The following ADAR variants were observed in gnomAD, a reference collection of about 807,000 sequenced individuals.
The protein encoded by ADAR is double-stranded RNA-specific adenosine deaminase.
In ADAR, 41 loss-of-function variants were observed where a neutral mutation model predicts 113.2. That is an observed-to-expected ratio of 0.36 (90% CI 0.28 to 0.47). The LOEUF (loss-of-function observed/expected upper bound fraction) is 0.47, where lower values mean the gene tolerates loss of function less well. Ranked by LOEUF, ADAR falls within the 20% of genes least tolerant of loss-of-function variation. ADAR has a pLI of 1.00. For synonymous variants in ADAR, 605 were observed against 572.6 expected (o/e 1.06, Z -0.81); for missense variants, 1,242 against 1,540.9 (o/e 0.81, Z 3.25).
At chr1:154,600,781 C>G in intron 2 of ADAR, 1 of 559,396 alleles carries the variant, frequency 1.8e-6, no homozygotes. Context: ...CAAAACCAAT[C>G]ATTTCTAAAG....
At chr1:154,598,184 C>T (rs74638504) in intron 3 of ADAR, among the ~76,000 whole-genome samples, 57 of 152,130 alleles carry the variant, frequency 3.7e-4, no homozygotes, top group African/African-American at 1.3e-3. Context: ...CTTTCAAGTC[C>T]GAAATTCTGT....
intron 1 of ADAR, among the ~76,000 whole-genome samples, chr1:154,626,157 C>T (rs1698931472): frequency 6.8e-6 from 1 of 147,432 alleles, no homozygotes; most frequent in Non-Finnish European, 1.5e-5. Flanking sequence ...TCGCTGTCGT[C>T]CAGGCTGGGG....
intron 1 of ADAR, among the ~76,000 whole-genome samples, chr1:154,621,917 G>A (rs184117219): frequency 3.7e-4 from 57 of 152,286 alleles, no homozygotes; most frequent in African/African-American, 1.3e-3. Flanking sequence ...TGTAGGAGAA[G>A]TACTTTTTTG....
At position 154,608,052 on chromosome 1, in the gene ADAR, C is replaced by G; in HGVS notation, c.-46G>C. 6.5e-7 allele frequency: 1 copy of G among 1,546,404 alleles called. No homozygotes were observed. The highest frequency in any genetic ancestry group is 8.7e-7 in the Non-Finnish European group (1 of 1,145,766). The stretch of plus-strand genomic sequence containing the variant: ...CGGCCCGACCCGCCGGCGGCACGAC[C>G]CTGGCCCGACCGCTGGGCCGCGCCA... On this transcript the variant is annotated 5_prime_UTR_variant, in exon 1 of 15. Coordinates refer to ENST00000368474, the MANE Select transcript of ADAR (RefSeq NM_001111.5).
At position 154,597,225 on chromosome 1, in the gene ADAR, A is replaced by G. The variant is rs1023918495; in HGVS notation, c.1977T>C (p.Ser659=). Residue 659 remains serine, a synonymous_variant, in exon 5 of 15, where the codon AGT becomes AGC. Transcript: ENST00000368474. ...CVAVGAQTFP[S]VSAPSKKVAK... ...CCACTTTCTTGCTGGGAGCACTCAC[A>G]CTGGGGAAAGTTTGGGCTCCCACTG... 2 of 1,614,098 alleles carry G rather than the reference A, an allele frequency of 1.2e-6. No individual in the cohort carries two copies. Among genetic ancestry groups the G allele is most frequent in the Non-Finnish European group, 1.7e-6 (2 of 1,180,004 alleles).
chr1:154,606,935 T>TAAAA (rs3058643), intron 1 of ADAR, among the ~76,000 whole-genome samples: 518 of 32,614 alleles, frequency 0.016, 2 homozygotes, highest in African/African-American at 0.041. Flanking sequence ...AAGGAGTGCT[T>TAAAA]AAAAAAAAAA....
At chr1:154,594,941 G>C (rs1373340400) in intron 6 of ADAR, among the ~76,000 whole-genome samples, 4 of 152,212 alleles carry the variant, frequency 2.6e-5, no homozygotes, top group Non-Finnish European at 4.4e-5. Flanking sequence ...AAGGACTCAA[G>C]AAACTGGTAT....
At chr1:154,585,523 A>G in intron 13 of ADAR, 179 bp from the exon 14 acceptor site, 1 of 968,344 alleles carries the variant, frequency 1.0e-6, no homozygotes. Flanking sequence ...ACCTCGATTC[A>G]GATTAATTCC....
At position 154,590,010 on chromosome 1, in the gene ADAR, C is replaced by G. The variant is rs1450501550; in HGVS notation, c.2497-82G>C. 3.8e-6 allele frequency: 6 copies of G among 1,573,368 alleles called. No homozygotes were observed. The African/African-American group carries it at 6.8e-5, about 18-fold the overall frequency. The stretch of plus-strand genomic sequence containing the variant: ...TCACCGTGGGCAGGGAGATCAAGCT[C>G]TACTTGTCGTGTGAGTCATCTTTTC... On this transcript the variant is annotated intron_variant, in intron 7 of 14. Transcript: ENST00000368474.
intron 6 of ADAR, among the ~76,000 whole-genome samples, chr1:154,594,287 G>C (rs1349164764): frequency 6.6e-6 from 1 of 152,152 alleles, no homozygotes; most frequent in Non-Finnish European, 1.5e-5. Flanking sequence ...TGCCAAACAT[G>C]TGAAAATTCA....
chr1:154,617,809 A>C (rs1324652616), intron 1 of ADAR, among the ~76,000 whole-genome samples: 1 of 152,114 alleles, frequency 6.6e-6, no homozygotes, highest in Non-Finnish European at 1.5e-5. Context: ...TGTTAAATAT[A>C]TATATTTAAT....
rs193228841 is a variant in ADAR at position 154,603,631 on chromosome 1, C to T, written c.16-1005G>A. Among the ~76,000 whole-genome samples, 314 of 152,222 alleles carry T rather than the reference C, an allele frequency of 2.1e-3. 1 individual carries two copies. Among genetic ancestry groups the T allele is most frequent in the African/African-American group, 7.2e-3 (299 of 41,532 alleles). On this transcript the variant is annotated intron_variant, in intron 1 of 14. Coordinates refer to ENST00000368474, the MANE Select transcript of ADAR (RefSeq NM_001111.5). ...AACACCAAGCACCTGTGACCCCTTT[C>T]CCCACCCACCCACCTGCAAACCAGT...
intron 8 of ADAR, 140 bp downstream of exon 8, chr1:154,589,617 T>C: frequency 8.1e-7 from 1 of 1,239,704 alleles, no homozygotes; most frequent in Non-Finnish European, 1.2e-6. Context: ...TAAGAACTCA[T>C]TCCTCACTCT....
intron 3 of ADAR, 45 bp downstream of exon 3, chr1:154,598,357 C>G (rs760991168): frequency 6.3e-7 from 1 of 1,592,110 alleles, no homozygotes; most frequent in Non-Finnish European, 8.6e-7. Flanking sequence ...ACAATCCAGA[C>G]ACTGACAGGG....
intron 8 of ADAR, 125 bp downstream of exon 8, chr1:154,589,632 T>C (rs1179728755): frequency 1.5e-6 from 2 of 1,306,560 alleles, no homozygotes; most frequent in African/African-American, 1.5e-5. Flanking sequence ...CACTCTGAAT[T>C]GACTGTAGCT....
In ADAR at chr1:154,601,912, G is replaced by C; in HGVS notation, c.730C>G (p.Pro244Ala). ...GCCTGAGCTGAGACTGCAATAAAAG[G>C]CTCAAGAAGATCTTCTGAGACAGAT... Reference protein sequence around the residue: ...STSVSEDLLEPFIAVSAQAWN... With the variant: ...STSVSEDLLEAFIAVSAQAWN... The change falls in exon 2 of 15, where the codon CCT becomes GCT. Residue 244 changes from proline (P) to alanine (A), a missense_variant. Pro to Ala is a conservative substitution (Grantham distance 27). Coordinates refer to ENST00000368474, the MANE Select transcript of ADAR (RefSeq NM_001111.5). The surrounding 1 kb of genome is among the most constrained non-coding windows in gnomAD (Gnocchi z 4.7). The C allele has an allele frequency of 6.2e-7, 1 of 1,612,272 alleles. No individual in the cohort carries two copies. Among genetic ancestry groups the C allele is most frequent in the Non-Finnish European group, 8.5e-7 (1 of 1,179,690 alleles).
chr1:154,608,492 C>CTTTTTTTTTTTTTTTTTTT (rs67463447), upstream of ADAR, among the ~76,000 whole-genome samples: 7 of 65,768 alleles, frequency 1.1e-4, no homozygotes, highest in Non-Finnish European at 1.6e-4. Context: ...TCACTCCTGG[C>CTTTTTTTTTTTTTTTTTTT]TTTTTTTTTT....
rs1696587613 is a variant in ADAR at position 154,584,155 on chromosome 1, G to A, written c.*651C>T. 6.6e-6 allele frequency: 1 copy of A among 152,426 alleles called. No homozygotes were observed. Among genetic ancestry groups the A allele is most frequent in the South Asian group, 2.1e-4 (1 of 4,842 alleles). 9.4% of individuals were successfully genotyped at this position (152,426 alleles called of 1,614,324 possible). A position where few individuals can be genotyped will look rare whatever the true frequency, so the allele number is the denominator to read the frequency against. On this transcript the variant is annotated 3_prime_UTR_variant, in exon 15 of 15. Transcript: ENST00000368474. ...CTTTCCTTGCCTTGCCCGCCCTGCAGCTGGCTAAAGTGCAGGATGGGAGGA... is the reference window on the plus strand; with the variant it reads ...CTTTCCTTGCCTTGCCCGCCCTGCAACTGGCTAAAGTGCAGGATGGGAGGA...
At chr1:154,627,940 G>A (rs995137175) in exon 1 of ADAR, 1 of 301,222 alleles carries the variant, frequency 3.3e-6, no homozygotes, top group Non-Finnish European at 6.6e-6. Flanking sequence ...CCCCCACCAC[G>A]TAGCCTTCTC....
Sources: allele counts gnomAD v4.1 joint callset (sites outside exome capture counted in the v4.1 genomes callset), GRCh38; gene constraint gnomAD v4.1.1; non-coding constraint Gnocchi (gnomAD v3.1); transcripts MANE v1.5; gene names NCBI Gene and HGNC (gene_info 2026-07-23, HGNC 2026-07-21).